Variants in NCALD observed in about 807,000 individuals in gnomAD.
NCALD encodes neurocalcin delta.
NCALD carries 10 observed loss-of-function variants against 18.6 expected under a neutral mutation model. That is an observed-to-expected ratio of 0.54 (90% CI 0.33 to 0.91). The LOEUF is 0.91. NCALD is among the 40% of genes least tolerant of loss of function. NCALD has a pLI of 0.03. For missense variants in NCALD, 184 were observed against 247.6 expected (o/e 0.74, Z 1.72); for synonymous variants, 88 against 87.4 (o/e 1.01, Z -0.04).
At chr8:101,724,901 A>G (rs766501412) in intron 1 of NCALD, among the ~76,000 whole-genome samples, 5 of 152,230 alleles carry the variant, frequency 3.3e-5, no homozygotes, top group Non-Finnish European at 7.3e-5. Flanking sequence ...ATCCATAAAA[A>G]GTCAGAAAGA....
chr8:102,103,178 C>T (rs1319723195), intron 1 of NCALD, among the ~76,000 whole-genome samples: 6 of 152,066 alleles, frequency 3.9e-5, no homozygotes, highest in Admixed American at 3.9e-4. Flanking sequence ...CAGCTGTCCC[C>T]GTGCCTTCCC....
chr8:101,954,278 C>T (rs955154365), intron 2 of NCALD, among the ~76,000 whole-genome samples: 1 of 152,106 alleles, frequency 6.6e-6, no homozygotes, highest in African/African-American at 2.4e-5. Flanking sequence ...CAGGCCAGAA[C>T]GTTTTCTCCT....
chr8:102,066,439 AGTCGGCACTCACTGT>A (rs1254793243), intron 1 of NCALD, among the ~76,000 whole-genome samples: 10 of 152,208 alleles, frequency 6.6e-5, no homozygotes, highest in African/African-American at 2.4e-4. Flanking sequence ...CATTGCTCAC[AGTCGGCACTCACTGT>A]GTGAGTGGCA....
At chr8:101,871,127 G>A (rs1040871959) in intron 4 of NCALD, among the ~76,000 whole-genome samples, 5 of 151,992 alleles carry the variant, frequency 3.3e-5, no homozygotes, top group African/African-American at 1.2e-4. Context: ...ATTCATCCCA[G>A]GATACAGTAA....
intron 2 of NCALD, among the ~76,000 whole-genome samples, chr8:101,985,029 A>C (rs1820753324): frequency 6.6e-6 from 1 of 152,216 alleles, no homozygotes; most frequent in African/African-American, 2.4e-5. Context: ...ATGTAGCTTA[A>C]GGGCCTACCC....
At chr8:101,918,740 C>CCACACACACACACACA (rs34480976) in intron 2 of NCALD, among the ~76,000 whole-genome samples, 38 of 140,754 alleles carry the variant, frequency 2.7e-4, no homozygotes, top group East Asian at 1.3e-3. Flanking sequence ...TTTACAATAG[C>CCACACACACACACACA]CACACACACA....
At chr8:101,907,603 T>C (rs1817653307) in intron 3 of NCALD, among the ~76,000 whole-genome samples, 1 of 152,218 alleles carries the variant, frequency 6.6e-6, no homozygotes, top group East Asian at 1.9e-4. Flanking sequence ...AAGTGCCTAG[T>C]GGCTAAAGAA....
intron 2 of NCALD, among the ~76,000 whole-genome samples, chr8:101,936,283 C>G (rs1401898542): frequency 1.3e-5 from 2 of 152,216 alleles, no homozygotes; most frequent in Admixed American, 6.5e-5. Context: ...GCATATTCTT[C>G]TCCAACCACA....
intron 1 of NCALD, among the ~76,000 whole-genome samples, chr8:102,043,616 G>A (rs1163077735): frequency 6.6e-6 from 1 of 151,388 alleles, no homozygotes; most frequent in Non-Finnish European, 1.5e-5. Flanking sequence ...CGGTTAGTTA[G>A]GAGCTGTTCA....
At chr8:102,040,524 C>T (rs1823014897) in intron 1 of NCALD, among the ~76,000 whole-genome samples, 1 of 151,656 alleles carries the variant, frequency 6.6e-6, no homozygotes, top group Non-Finnish European at 1.5e-5. Context: ...ACAGATACTG[C>T]AATAAAGAGC....
intron 3 of NCALD, among the ~76,000 whole-genome samples, chr8:101,897,372 G>A (rs1191495531): frequency 2.3e-5 from 3 of 128,536 alleles, no homozygotes; most frequent in Non-Finnish European, 4.9e-5. Context: ...GTGGTGGGGT[G>A]GGGGGAGGGG....
chr8:102,038,795 G>A (rs1822956396), intron 1 of NCALD, among the ~76,000 whole-genome samples: 1 of 152,060 alleles, frequency 6.6e-6, no homozygotes, highest in African/African-American at 2.4e-5. Context: ...GAGTGTGGGT[G>A]GAATCTGTAA....
chr8:102,076,012 T>G (rs1282342264), intron 1 of NCALD, among the ~76,000 whole-genome samples: 1 of 149,530 alleles, frequency 6.7e-6, no homozygotes, highest in Admixed American at 6.6e-5. Flanking sequence ...GAATATCAAA[T>G]AAATTATGGT....
Position 101,689,079 on chromosome 8 carries a change from A to G in NCALD, c.*230T>C. 1 of 703,154 alleles carries G rather than the reference A, an allele frequency of 1.4e-6. No homozygotes were observed. Among genetic ancestry groups the G allele is most frequent in the Non-Finnish European group, 2.6e-6 (1 of 385,082 alleles). The allele number at this position is 703,154 out of a possible 1,614,324, so 43.6% of individuals were successfully genotyped here. A position where few individuals can be genotyped will look rare whatever the true frequency, so the allele number is the denominator to read the frequency against. On this transcript the variant is annotated 3_prime_UTR_variant, in exon 4 of 4. Transcript: ENST00000220931. The surrounding 1 kb of genome is among the most constrained non-coding windows in gnomAD (Gnocchi z 4.4). ...AACGATTAAAAATCATCAAACAATG[A>G]ACACCACGAAGTCTGTCCATGCTCT...
intron 2 of NCALD, among the ~76,000 whole-genome samples, chr8:101,926,227 C>T (rs1231914351): frequency 1.3e-5 from 2 of 152,218 alleles, no homozygotes; most frequent in Admixed American, 1.3e-4. Context: ...TGAATTCCTG[C>T]TTCTGGGACC....
intron 1 of NCALD, among the ~76,000 whole-genome samples, chr8:101,755,546 C>T (rs1810842063): frequency 6.6e-6 from 1 of 152,158 alleles, no homozygotes; most frequent in Non-Finnish European, 1.5e-5. Context: ...ACCCTATCTT[C>T]TCCTGTCTCT....
At chr8:101,693,645 T>C (rs1338510144) in intron 2 of NCALD, 2 of 152,136 alleles carry the variant, frequency 1.3e-5, no homozygotes, top group Admixed American at 1.3e-4. Flanking sequence ...GGTTCCCACT[T>C]TGAGGAGCAA....
At chr8:101,702,147 C>A (rs1815297081) in intron 2 of NCALD, among the ~76,000 whole-genome samples, 1 of 152,036 alleles carries the variant, frequency 6.6e-6, no homozygotes, top group Non-Finnish European at 1.5e-5. Context: ...GAAAACGAAG[C>A]AAAACAAAAC....
At chr8:101,745,729 C>T (rs997199345) in intron 1 of NCALD, 2 of 152,190 alleles carry the variant, frequency 1.3e-5, no homozygotes, top group African/African-American at 2.4e-5. Context: ...TAATGTTCAC[C>T]CTCACTTCAT....
Sources: gnomAD v4.1 joint callset for allele counts (sites outside exome capture counted in the v4.1 genomes callset) on GRCh38, gnomAD v4.1.1 for gene constraint, Gnocchi (gnomAD v3.1) non-coding constraint, MANE v1.5 for transcripts, NCBI Gene and HGNC (gene_info 2026-07-23, HGNC 2026-07-21) for gene names.